Variants in ADGRL3 observed in about 807,000 individuals in gnomAD.
ADGRL3 encodes adhesion G protein-coupled receptor L3.
A neutral mutation model predicts 153.5 loss-of-function variants in ADGRL3; 62 were observed. The observed-to-expected ratio is 0.40, with a 90% CI of 0.33 to 0.50. ADGRL3 has a LOEUF of 0.50. Among genes scored for constraint, ADGRL3 ranks in the 20% least tolerant of loss-of-function variants. The pLI is 0.47. For missense variants in ADGRL3, 1,641 were observed against 1,859.4 expected, an observed-to-expected ratio of 0.88 and a Z score of 2.16; for synonymous variants, 710 against 672.5, an observed-to-expected ratio of 1.06 and a Z score of -0.86.
Position 62,044,467 on chromosome 4 carries a change from A to G in ADGRL3, c.3732A>G (p.Arg1244=). Residue 1244 remains arginine (R), a synonymous_variant, in exon 25 of 27, where the codon AGA becomes AGG. Coordinates refer to ENST00000683033, the MANE Select transcript of ADGRL3 (RefSeq NM_001387552.1). ...YSTGSQSRIR[R]MWNDTVRKQS... ...CCCCCACCCAGAGCCGAATCCGTAG[A>G]ATGTGGAATGACACGGTTCGAAAGC... The G allele has an allele frequency of 6.3e-7, 1 of 1,590,684 alleles. No homozygotes were observed. Among genetic ancestry groups the G allele is most frequent in the Non-Finnish European group, 8.6e-7 (1 of 1,167,772 alleles).
rs368069496 is a variant in ADGRL3, at chr4:61,332,434, A to G, written c.-239-50690A>G. On this transcript the variant is annotated intron_variant, in intron 1 of 26. Transcript: ENST00000683033. ...AAAATGTTTTAGCACATTTATTTGT[A>G]TGGAGGATGCAGTAAAAATGATATA... Among the ~76,000 whole-genome samples the G allele has an allele frequency of 1.7e-4, 26 of 152,274 alleles. 1 individual carries two copies. The highest frequency in any genetic ancestry group is 6.3e-4 in the African/African-American group (26 of 41,564).
At chr4:61,697,853 C>A (rs1171079004) in intron 6 of ADGRL3, among the ~76,000 whole-genome samples, 1 of 152,102 alleles carries the variant, frequency 6.6e-6, no homozygotes, top group African/African-American at 2.4e-5. Context: ...AGGGATATTG[C>A]TCTTTATATT....
In ADGRL3 at chr4:61,804,223, T is replaced by C. The variant is rs143444548; in HGVS notation, c.1400-9586T>C. On this transcript the variant is annotated intron_variant, in intron 8 of 26. Coordinates refer to ENST00000683033, the MANE Select transcript of ADGRL3 (RefSeq NM_001387552.1). ...ATACTTAGGTCATTCTGATCCCATTTTTGTAAGCCTTGCAATACCTTTGCA... is the reference window on the plus strand; with the variant it reads ...ATACTTAGGTCATTCTGATCCCATTCTTGTAAGCCTTGCAATACCTTTGCA... Among the ~76,000 whole-genome samples the C allele has an allele frequency of 2.4e-3, 362 of 152,290 alleles. 6 individuals are homozygous for C. The highest frequency in any genetic ancestry group is 1.2e-3 in the Non-Finnish European group (82 of 68,020).
chr4:62,032,712 C>T (rs926694220), intron 23 of ADGRL3, among the ~76,000 whole-genome samples: 39 of 151,460 alleles, frequency 2.6e-4, no homozygotes, highest in African/African-American at 9.2e-4. Flanking sequence ...GGGACCAAAA[C>T]AAGAAGTTGA....
chr4:61,525,168 GGT>G (rs1448900156), intron 4 of ADGRL3, among the ~76,000 whole-genome samples: 1 of 151,934 alleles, frequency 6.6e-6, no homozygotes, highest in Non-Finnish European at 1.5e-5. Flanking sequence ...TGACATTCCT[GGT>G]ATGAGATGGA....
intron 25 of ADGRL3, chr4:62,063,644 G>A (rs1426355947): frequency 1.5e-6 from 1 of 666,006 alleles, no homozygotes; most frequent in African/African-American, 1.8e-5. Flanking sequence ...GTGTGCTGGA[G>A]TTTATCTTAA....
intron 6 of ADGRL3, among the ~76,000 whole-genome samples, chr4:61,694,184 T>A (rs1580318079): frequency 1.6e-4 from 1 of 6,100 alleles, no homozygotes; most frequent in African/African-American, 8.0e-4. Context: ...TCATTATTTT[T>A]TTTTTTTTTT....
chr4:61,255,386 T>G (rs1402285104), intron 1 of ADGRL3, among the ~76,000 whole-genome samples: 1 of 152,196 alleles, frequency 6.6e-6, no homozygotes, highest in East Asian at 1.9e-4. Flanking sequence ...CTGTAAAATT[T>G]TTTTTTCTTC....
At chr4:61,726,907 G>T (rs2096358353) in intron 6 of ADGRL3, among the ~76,000 whole-genome samples, 1 of 151,952 alleles carries the variant, frequency 6.6e-6, no homozygotes, top group Non-Finnish European at 1.5e-5. Flanking sequence ...TAGTTTAAAA[G>T]AAAATAAAAT....
chr4:61,363,941 A>G (rs1223196106), intron 1 of ADGRL3, among the ~76,000 whole-genome samples: 1 of 152,128 alleles, frequency 6.6e-6, no homozygotes, highest in Non-Finnish European at 1.5e-5. Flanking sequence ...TTATGCATAT[A>G]TATTTTATAT....
At chr4:61,322,706 C>T (rs538670579) in intron 1 of ADGRL3, among the ~76,000 whole-genome samples, 129 of 152,338 alleles carry the variant, frequency 8.5e-4, no homozygotes, top group African/African-American at 3.1e-3. Flanking sequence ...GAGATGTGTT[C>T]TCATGGTCTG....
At chr4:61,230,183 C>T (rs936975432) in intron 1 of ADGRL3, among the ~76,000 whole-genome samples, 8 of 152,082 alleles carry the variant, frequency 5.3e-5, no homozygotes, top group African/African-American at 9.7e-5. Context: ...TGATGGTAAG[C>T]GATCACGGCT....
chr4:61,414,746 G>A (rs963759626), intron 2 of ADGRL3, among the ~76,000 whole-genome samples: 1 of 151,730 alleles, frequency 6.6e-6, no homozygotes, highest in Non-Finnish European at 1.5e-5. Flanking sequence ...TTGATCTCTG[G>A]TTGTTACATA....
intron 17 of ADGRL3, among the ~76,000 whole-genome samples, chr4:61,957,550 T>TATTTATTA: frequency 8.3e-5 from 1 of 12,056 alleles, no homozygotes; most frequent in Non-Finnish European, 3.9e-4. Context: ...TACATTTATG[T>TATTTATTA]ATTTATTTAT....
intron 4 of ADGRL3, among the ~76,000 whole-genome samples, chr4:61,552,860 T>C (rs1292736640): frequency 1.3e-5 from 2 of 152,192 alleles, no homozygotes; most frequent in Admixed American, 1.3e-4. Context: ...TATTTCTTTG[T>C]TGTCTTGTGT....
At chr4:61,692,331 TA>T (rs1307702212) in intron 6 of ADGRL3, among the ~76,000 whole-genome samples, 2 of 126,898 alleles carry the variant, frequency 1.6e-5, no homozygotes, top group Non-Finnish European at 3.2e-5. Context: ...CATTCCCCTC[TA>T]TTTCTCAACC....
chr4:61,223,852 T>A (rs1746732772), intron 1 of ADGRL3, among the ~76,000 whole-genome samples: 1 of 152,180 alleles, frequency 6.6e-6, no homozygotes, highest in East Asian at 1.9e-4. Context: ...AGGAATGATT[T>A]GTGGGCGTTT....
rs182676341 is a variant in ADGRL3, at chr4:62,078,164, C to G, written c.*7256C>G. On this transcript the variant is annotated 3_prime_UTR_variant, in exon 27 of 27. Coordinates refer to ENST00000683033, the MANE Select transcript of ADGRL3 (RefSeq NM_001387552.1). Reference sequence around the variant, plus strand: ...ATTGTGGCTTTGGTCGCTTAGGATTCTCATATATTTACACATGGCATTATT... The same window carrying G: ...ATTGTGGCTTTGGTCGCTTAGGATTGTCATATATTTACACATGGCATTATT... 3.0e-4 allele frequency: 45 copies of G among 152,072 alleles called. No individual in the cohort carries two copies. Among genetic ancestry groups the G allele is most frequent in the African/African-American group, 9.6e-4 (40 of 41,558 alleles). 9.4% of individuals were successfully genotyped at this position (152,072 alleles called of 1,614,324 possible).
chr4:61,797,955 G>A (rs150477318), intron 8 of ADGRL3, among the ~76,000 whole-genome samples: 73 of 152,212 alleles, frequency 4.8e-4, no homozygotes, highest in African/African-American at 1.6e-3. Context: ...TACGAAAATC[G>A]CTGGATCACA....
Sources: allele counts gnomAD v4.1 joint callset (sites outside exome capture counted in the v4.1 genomes callset), GRCh38; gene constraint gnomAD v4.1.1; transcripts MANE v1.5; gene names NCBI Gene and HGNC (gene_info 2026-07-23, HGNC 2026-07-21).